Variants in FOSL2 observed in about 807,000 individuals in gnomAD.
FOSL2 encodes fos-related antigen 2.
In FOSL2, 3 loss-of-function variants were observed where a neutral mutation model predicts 27.7. The ratio of observed to expected loss-of-function variants is 0.11; its 90% confidence interval spans 0.05 to 0.28. FOSL2 has a LOEUF of 0.28. FOSL2 is among the 10% of genes least tolerant of loss of function. The pLI is 1.00. For missense variants in FOSL2, 333 were observed against 445.1 expected (o/e 0.75, Z 2.27); for synonymous variants, 179 against 190.1 (o/e 0.94, Z 0.48).
At chr2:28,398,287 T>C (rs1663898481) in intron 1 of FOSL2, among the ~76,000 whole-genome samples, 1 of 152,258 alleles carries the variant, frequency 6.6e-6, no homozygotes, top group African/African-American at 2.4e-5. Flanking sequence ...CCCCATCTGG[T>C]AATTCTATCC....
At chr2:28,409,430 C>G (rs780953169) in intron 3 of FOSL2, among the ~76,000 whole-genome samples, 35 of 152,226 alleles carry the variant, frequency 2.3e-4, no homozygotes, top group Admixed American at 2.0e-4. Flanking sequence ...ATCATGAACT[C>G]AGAGCTGTGG....
Position 28,412,301 on chromosome 2 carries a change from G to A in FOSL2, c.834G>A (p.Ser278=), listed in dbSNP as rs768348406. The change falls in exon 4 of 4, where the codon TCG becomes TCA. Residue 278 remains serine, a synonymous_variant. Coordinates refer to ENST00000264716, the MANE Select transcript of FOSL2 (RefSeq NM_005253.4). The surrounding 1 kb of genome is among the most constrained non-coding windows in gnomAD (Gnocchi z 7.1). ...CACCTGCTGTCACTCCGGGCACCTC[G>A]AACCTCGTCTTCACCTATCCTAGCG... ...TSTPAVTPGT[S]NLVFTYPSVL... is the part of the protein sequence containing the mutation. 1.1e-5 allele frequency: 18 copies of A among 1,613,916 alleles called. No individual in the cohort carries two copies. Among genetic ancestry groups the A allele is most frequent in the African/African-American group, 4.0e-5 (3 of 74,902 alleles).
chr2:28,414,582 T>A lies in FOSL2; in HGVS notation c.*2134T>A, dbSNP rs1397895350. 6.6e-6 allele frequency: 1 copy of A among 152,178 alleles called. No homozygotes were observed. Among genetic ancestry groups the A allele is most frequent in the African/African-American group, 2.4e-5 (1 of 41,434 alleles). 9.4% of individuals were successfully genotyped at this position (152,178 alleles called of 1,614,324 possible). ...CTCAGCTCTCACAGGGGTAATCATCTCAAGTGGTATTTGTAGCCAAGTGGG... is the reference window on the plus strand; with the variant it reads ...CTCAGCTCTCACAGGGGTAATCATCACAAGTGGTATTTGTAGCCAAGTGGG... On this transcript the variant is annotated 3_prime_UTR_variant, in exon 4 of 4. Coordinates refer to ENST00000264716, the MANE Select transcript of FOSL2 (RefSeq NM_005253.4).
At chr2:28,401,154 G>A (rs1021545648) in intron 1 of FOSL2, among the ~76,000 whole-genome samples, 5 of 151,882 alleles carry the variant, frequency 3.3e-5, no homozygotes, top group Admixed American at 6.6e-5. Context: ...ATCTAATGAT[G>A]ATGGTGGTGG....
chr2:28,393,408 CGGGAGGGCGCGCGCAGGGGA>C lies in FOSL2; in HGVS notation c.-308_-289del, dbSNP rs1407406027. 6.0e-6 allele frequency: 2 copies of C among 332,328 alleles called. No homozygotes were observed. The highest frequency in any genetic ancestry group is 1.1e-5 in the Non-Finnish European group (2 of 181,622). 20.6% of individuals were successfully genotyped at this position (332,328 alleles called of 1,614,324 possible). ...GCTGAGCTCCGGCTGCGCGCGGGGG[CGGGAGGGCGCGCGCAGGGGA>C]GGGACCGAGAGACGCGCCGACTTTT... On this transcript the variant is annotated 5_prime_UTR_variant, in exon 1 of 4. Coordinates refer to ENST00000264716, the MANE Select transcript of FOSL2 (RefSeq NM_005253.4). The surrounding 1 kb of genome is among the most constrained non-coding windows in gnomAD (Gnocchi z 4.6).
chr2:28,399,878 G>A (rs1160045907), intron 1 of FOSL2, among the ~76,000 whole-genome samples: 5 of 152,160 alleles, frequency 3.3e-5, no homozygotes, highest in Non-Finnish European at 7.3e-5. Flanking sequence ...CTTTCGCACT[G>A]CAGTGGCAGA....
At chr2:28,395,039 G>T (rs190902391) in intron 1 of FOSL2, among the ~76,000 whole-genome samples, 85 of 152,286 alleles carry the variant, frequency 5.6e-4, no homozygotes, top group African/African-American at 2.0e-3. Context: ...TACCTGGTGA[G>T]TCCCCAAAAT....
At chr2:28,401,588 A>G (rs1306404525) in intron 1 of FOSL2, among the ~76,000 whole-genome samples, 1 of 152,154 alleles carries the variant, frequency 6.6e-6, no homozygotes, top group East Asian at 1.9e-4. Flanking sequence ...CAGCTCAGGA[A>G]AAAAATAGCT....
At chr2:28,396,818 ACAC>A in intron 1 of FOSL2, 1 of 152,012 alleles carries the variant, frequency 6.6e-6, no homozygotes, top group African/African-American at 2.4e-5. Flanking sequence ...ACACACACAC[ACAC>A]ACACACACAC....
chr2:28,393,062 C>T lies in FOSL2; in HGVS notation c.-659C>T, dbSNP rs1407617837. 2.0e-6 allele frequency: 1 copy of T among 499,004 alleles called. No individual in the cohort carries two copies. 30.9% of individuals were successfully genotyped at this position (499,004 alleles called of 1,614,324 possible). Reference sequence around the variant, plus strand: ...CCGGAGCGGGGAGCGGGGCCGCGTCCCTCTCAGCGCCAGCTCTACTTGAGC... The same window carrying T: ...CCGGAGCGGGGAGCGGGGCCGCGTCTCTCTCAGCGCCAGCTCTACTTGAGC... On this transcript the variant is annotated 5_prime_UTR_variant, in exon 1 of 4. Coordinates refer to ENST00000264716, the MANE Select transcript of FOSL2 (RefSeq NM_005253.4). This position sits in a 1 kb window ranked among gnomAD's most constrained non-coding sequence, Gnocchi z 4.6.
In FOSL2 at chr2:28,416,549, G is replaced by A. The variant is rs1008749286; in HGVS notation, c.*4101G>A. The A allele has an allele frequency of 2.0e-5, 3 of 150,622 alleles. No individual in the cohort carries two copies. The highest frequency in any genetic ancestry group is 4.9e-5 in the African/African-American group (2 of 40,898). 9.3% of individuals were successfully genotyped at this position (150,622 alleles called of 1,614,324 possible). A position where few individuals can be genotyped will look rare whatever the true frequency, so the allele number is the denominator to read the frequency against. Reference sequence around the variant, plus strand: ...TTTGTGCTGTATAAACTGTATAAAAGGTTCTGTTTTTAAAGGTGGATTTTC... The same window carrying A: ...TTTGTGCTGTATAAACTGTATAAAAAGTTCTGTTTTTAAAGGTGGATTTTC... On this transcript the variant is annotated 3_prime_UTR_variant, in exon 4 of 4. Transcript: ENST00000264716.
At position 28,408,464 on chromosome 2, in the gene FOSL2, G is replaced by A. The variant is rs538769922; in HGVS notation, c.355-295G>A. On this transcript the variant is annotated intron_variant, in intron 2 of 3. Coordinates refer to ENST00000264716, the MANE Select transcript of FOSL2 (RefSeq NM_005253.4). This position sits in a 1 kb window ranked among gnomAD's most constrained non-coding sequence, Gnocchi z 4.1. The stretch of plus-strand genomic sequence containing the variant: ...AATCAGGGCTGATGTGATAGGTGCT[G>A]CCATCATGCCTGGGCCAGTGAATCT... Among the ~76,000 whole-genome samples the A allele has an allele frequency of 1.4e-4, 22 of 152,306 alleles. No homozygotes were observed. The East Asian group carries it at 3.5e-3, about 24-fold the overall frequency.
intron 1 of FOSL2, among the ~76,000 whole-genome samples, chr2:28,402,598 T>C (rs772201221): frequency 2.6e-5 from 4 of 152,228 alleles, no homozygotes; most frequent in Non-Finnish European, 5.9e-5. Context: ...TCCATGCTAA[T>C]GATAGTGGGG....
In FOSL2 at chr2:28,404,913, C is replaced by T. The variant is rs1664046327; in HGVS notation, c.354+555C>T. ...ATTTCAAGGGCCTGGAATGCATGTT[C>T]CAGAGGTGCAGTAACTCTGGGGCCT... On this transcript the variant is annotated intron_variant, in intron 2 of 3. Coordinates refer to ENST00000264716, the MANE Select transcript of FOSL2 (RefSeq NM_005253.4). The surrounding 1 kb of genome is among the most constrained non-coding windows in gnomAD (Gnocchi z 4.7). Among the ~76,000 whole-genome samples the T allele has an allele frequency of 6.6e-6, 1 of 152,160 alleles. No homozygotes were observed. Among genetic ancestry groups the T allele is most frequent in the Admixed American group, 6.5e-5 (1 of 15,280 alleles).
chr2:28,399,713 T>C (rs1663932847), intron 1 of FOSL2, among the ~76,000 whole-genome samples: 1 of 152,186 alleles, frequency 6.6e-6, no homozygotes, highest in Admixed American at 6.5e-5. Context: ...CTTTTTGCTT[T>C]CTTATTTCCT....
intron 1 of FOSL2, among the ~76,000 whole-genome samples, chr2:28,402,424 C>A (rs1663991900): frequency 6.6e-6 from 1 of 152,234 alleles, no homozygotes; most frequent in Non-Finnish European, 1.5e-5. Flanking sequence ...AAGAAGGGGT[C>A]CCCAGCTCTG....
At position 28,394,138 on chromosome 2, in the gene FOSL2, C is replaced by G. The variant is rs201506411; in HGVS notation, c.102+316C>G. ...AACTACTCCCCCTCCCCAGTGTCTG[C>G]CCCCCCCCCCCCACCCCTGCCCCGC... On this transcript the variant is annotated intron_variant, in intron 1 of 3. Transcript: ENST00000264716. Among the ~76,000 whole-genome samples, 26 of 2,286 alleles carry G rather than the reference C, an allele frequency of 0.011. No homozygotes were observed. In the East Asian group the frequency reaches 0.3, roughly 26 times the overall value. 1.5% of individuals were successfully genotyped at this position (2,286 alleles called of 152,430 possible). A position where few individuals can be genotyped will look rare whatever the true frequency, so the allele number is the denominator to read the frequency against.
chr2:28,405,157 T>C (rs1664050701), intron 2 of FOSL2, among the ~76,000 whole-genome samples: 1 of 152,128 alleles, frequency 6.6e-6, no homozygotes. Context: ...AGTGCCAAGT[T>C]CCCTGGTCTT....
Position 28,413,443 on chromosome 2 carries a change from C to A in FOSL2, c.*995C>A, listed in dbSNP as rs1416242195. 5.0e-6 allele frequency: 2 copies of A among 398,660 alleles called. No individual in the cohort carries two copies. The highest frequency in any genetic ancestry group is 8.8e-6 in the Non-Finnish European group (2 of 226,240). 24.7% of individuals were successfully genotyped at this position (398,660 alleles called of 1,614,324 possible). On this transcript the variant is annotated 3_prime_UTR_variant, in exon 4 of 4. Transcript: ENST00000264716. ...CAAGTCCCTGCCGGGCTCCGCCTTT[C>A]CCCCACCCTGGCTCTCAGGGTGACG...
Sources: allele counts gnomAD v4.1 joint callset (sites outside exome capture counted in the v4.1 genomes callset), GRCh38; gene constraint gnomAD v4.1.1; non-coding constraint Gnocchi (gnomAD v3.1); transcripts MANE v1.5; gene names NCBI Gene and HGNC (gene_info 2026-07-23, HGNC 2026-07-21).